HHIPL1: variants seen among roughly 807,000 people sequenced by gnomAD.
The protein encoded by HHIPL1 is HHIP like 1.
A neutral mutation model predicts 61.8 loss-of-function variants in HHIPL1; 43 were observed. The observed-to-expected ratio is 0.70, with a 90% CI of 0.55 to 0.90. The LOEUF (loss-of-function observed/expected upper bound fraction) is 0.90, where lower values mean the gene tolerates loss of function less well. HHIPL1 is among the 40% of genes least tolerant of loss of function. The probability of loss-of-function intolerance (pLI) is 0.00; values close to 1 mark genes in which losing one functional copy is unlikely to be tolerated. For synonymous variants in HHIPL1, 482 were observed against 515.8 expected (o/e 0.93, Z 0.89); for missense variants, 1,056 against 1,157.7 (o/e 0.91, Z 1.28).
At chr14:99,652,136 G>C in intron 1 of HHIPL1, 88 bp from the exon 2 acceptor site, 1 of 1,235,090 alleles carries the variant, frequency 8.1e-7, no homozygotes, top group Non-Finnish European at 1.1e-6. Flanking sequence ...GCAGACTGAG[G>C]CTCTGAGAGA....
At chr14:99,634,822 C>T in the HHIPL1 span, among the ~76,000 whole-genome samples, 10 of 152,140 alleles carry the variant, frequency 6.6e-5, no homozygotes, top group Non-Finnish European at 8.8e-5. Context: ...GCTGGCAGTC[C>T]GCAGCGGGAG....
At chr14:99,637,335 G>T in the HHIPL1 span, among the ~76,000 whole-genome samples, 1 of 152,192 alleles carries the variant, frequency 6.6e-6, no homozygotes, top group Non-Finnish European at 1.5e-5. Flanking sequence ...GCCGAGGCAG[G>T]CAGATCACTT....
At chr14:99,632,005 CGAGGCTGGGAGT>C in the HHIPL1 span, among the ~76,000 whole-genome samples, 1 of 152,130 alleles carries the variant, frequency 6.6e-6, no homozygotes, top group Non-Finnish European at 1.5e-5. Context: ...AGCCTGGGAG[CGAGGCTGGGAGT>C]GGACATGGGG....
At chr14:99,623,545 T>C in the HHIPL1 span, among the ~76,000 whole-genome samples, 1 of 152,064 alleles carries the variant, frequency 6.6e-6, no homozygotes, top group Admixed American at 6.6e-5. Flanking sequence ...TCCCAAGTAG[T>C]TGGGACTGCA....
chr14:99,659,445 A>C lies in HHIPL1; in HGVS notation c.1064A>C (p.Lys355Thr). The C allele has an allele frequency of 6.8e-7, 1 of 1,478,930 alleles. No homozygotes were observed. The highest frequency in any genetic ancestry group is 9.0e-7 in the Non-Finnish European group (1 of 1,116,414). The allele number at this position is 1,478,930 out of a possible 1,614,324, so 91.6% of individuals were successfully genotyped here. ...GCCCGCAGGTCGGCGCTGCTGGGCA[A>C]GGTGCTGCGCATCGACGTGGACCGT... Reference protein sequence around the residue: ...NAQNKSALLGKVLRIDVDRKE... With the variant: ...NAQNKSALLGTVLRIDVDRKE... Residue 355 changes from lysine to threonine, a missense_variant, in exon 4 of 9, where the codon AAG becomes ACG. Transcript: ENST00000330710.
At chr14:99,623,122 A>G in the HHIPL1 span, among the ~76,000 whole-genome samples, 1 of 152,128 alleles carries the variant, frequency 6.6e-6, no homozygotes, top group Non-Finnish European at 1.5e-5. Flanking sequence ...GGGGAAGAGC[A>G]CCCTAGGAGG....
chr14:99,611,347 G>T, the HHIPL1 span, among the ~76,000 whole-genome samples: 1 of 149,816 alleles, frequency 6.7e-6, no homozygotes, highest in African/African-American at 2.5e-5. Context: ...AGGCTGGAGT[G>T]CAATAGCACT....
Position 99,668,815 on chromosome 14 carries a change from C to T in HHIPL1, c.1730+512C>T, listed in dbSNP as rs1384949039. ...GGGCTCCCTTCGCCGGCTCCATCTCCCCGGCTTCCCTTCTAGCTGTAAGGC... is the reference window on the plus strand; with the variant it reads ...GGGCTCCCTTCGCCGGCTCCATCTCTCCGGCTTCCCTTCTAGCTGTAAGGC... On this transcript the variant is annotated intron_variant, in intron 7 of 8. Transcript: ENST00000330710. The surrounding 1 kb of genome is among the most constrained non-coding windows in gnomAD (Gnocchi z 4.7). The T allele has an allele frequency of 1.2e-6, 2 of 1,612,634 alleles. No individual in the cohort carries two copies. The highest frequency in any genetic ancestry group is 1.7e-5 in the Admixed American group (1 of 60,002).
At chr14:99,631,885 G>A in the HHIPL1 span, among the ~76,000 whole-genome samples, 1 of 152,224 alleles carries the variant, frequency 6.6e-6, no homozygotes, top group Non-Finnish European at 1.5e-5. Flanking sequence ...GTGCCCTGGA[G>A]CCCCTCCTTT....
the HHIPL1 span, among the ~76,000 whole-genome samples, chr14:99,628,387 C>G: frequency 6.6e-6 from 1 of 152,054 alleles, no homozygotes; most frequent in Non-Finnish European, 1.5e-5. Flanking sequence ...CGAGACCAGC[C>G]TGGCCAACAG....
chr14:99,647,913 C>T (rs1302990637), intron 1 of HHIPL1, among the ~76,000 whole-genome samples: 1 of 152,172 alleles, frequency 6.6e-6, no homozygotes, highest in Non-Finnish European at 1.5e-5. Context: ...ATCCCCAGTG[C>T]ATCTGGTGTG....
chr14:99,638,097 G>A, the HHIPL1 span, among the ~76,000 whole-genome samples: 1 of 152,192 alleles, frequency 6.6e-6, no homozygotes, highest in Non-Finnish European at 1.5e-5. Context: ...TTTCCATAAG[G>A]ATGTTTACGA....
chr14:99,647,104 G>A (rs1352236290), intron 1 of HHIPL1, among the ~76,000 whole-genome samples: 1 of 152,126 alleles, frequency 6.6e-6, no homozygotes, highest in Admixed American at 6.5e-5. Context: ...CCCAGCGGTG[G>A]TTGAGGTGGG....
At chr14:99,672,648 G>T (rs1390557821) in intron 8 of HHIPL1, among the ~76,000 whole-genome samples, 1 of 152,166 alleles carries the variant, frequency 6.6e-6, no homozygotes, top group East Asian at 1.9e-4. Flanking sequence ...GCCAGGCAAG[G>T]TACTCTGTGA....
chr14:99,667,648 G>C (rs941121116), intron 6 of HHIPL1, among the ~76,000 whole-genome samples: 13 of 152,210 alleles, frequency 8.5e-5, no homozygotes, highest in African/African-American at 3.1e-4. Context: ...TCAGCAGAGA[G>C]ACACCCTGGC....
chr14:99,628,005 T>C, the HHIPL1 span, among the ~76,000 whole-genome samples: 4 of 152,082 alleles, frequency 2.6e-5, no homozygotes, highest in African/African-American at 9.7e-5. Flanking sequence ...GGAAGATGCA[T>C]GATCAGTTTG....
chr14:99,624,096 T>C, the HHIPL1 span, among the ~76,000 whole-genome samples: 1 of 152,130 alleles, frequency 6.6e-6, no homozygotes, highest in Non-Finnish European at 1.5e-5. Context: ...TCCCTTCAGG[T>C]GAGAGAATGG....
chr14:99,622,183 C>T, the HHIPL1 span, among the ~76,000 whole-genome samples: 1 of 152,182 alleles, frequency 6.6e-6, no homozygotes, highest in Non-Finnish European at 1.5e-5. Flanking sequence ...TCTGAGGTTT[C>T]TGGAAATGTG....
upstream of HHIPL1, among the ~76,000 whole-genome samples, chr14:99,642,997 T>C (rs1256143441): frequency 6.6e-6 from 1 of 152,120 alleles, no homozygotes; most frequent in Non-Finnish European, 1.5e-5. Flanking sequence ...AATTTCAGCA[T>C]CTGTGTCATG....
Sources: gnomAD v4.1 joint callset for allele counts (sites outside exome capture counted in the v4.1 genomes callset) on GRCh38, gnomAD v4.1.1 for gene constraint, Gnocchi (gnomAD v3.1) non-coding constraint, MANE v1.5 for transcripts, NCBI Gene and HGNC (gene_info 2026-07-23, HGNC 2026-07-21) for gene names.